The following GNL3L variants were observed in gnomAD, a reference collection of about 807,000 sequenced individuals.
The protein encoded by GNL3L is G protein nucleolar 3 like.
Under a neutral mutation model 42.9 loss-of-function variants are expected in GNL3L, and 4 were observed. The ratio of observed to expected loss-of-function variants is 0.09; its 90% CI spans 0.05 to 0.21. GNL3L has a LOEUF of 0.21. GNL3L is among the 10% of genes least tolerant of loss of function. The pLI is 1.00. For missense variants in GNL3L, 412 were observed against 481.7 expected, an observed-to-expected ratio of 0.86 and a Z score of 1.36; for synonymous variants, 159 against 176.3, an observed-to-expected ratio of 0.90 and a Z score of 0.78.
intron 16 of GNL3L, among the ~76,000 whole-genome samples, chrX:54,601,822 G>A (rs1180869333): frequency 9.0e-6 from 1 of 111,585 alleles, no homozygotes; most frequent in Non-Finnish European, 1.9e-5. Flanking sequence ...TATATAAATG[G>A]AATTATAAAA....
At position 54,607,072 on chromosome X, in the gene GNL3L, CTCTTTCTTTCTTCTT is replaced by C. The variant is rs1926094639; in HGVS notation, c.*46-13760_*46-13746del. On this transcript the variant is annotated intron_variant, in intron 16 of 16. Transcript: ENST00000674498. ...TCTTTCTTTCTTTCTTTCTTTCTTT[CTCTTTCTTTCTTCTT>C]TCTTTCTTTCTTTCTTTCTTTCTTT... Among the ~76,000 whole-genome samples the C allele has an allele frequency of 7.5e-3, 171 of 22,819 alleles. 7 individuals are homozygous for C. Among genetic ancestry groups the C allele is most frequent in the African/African-American group, 0.023 (150 of 6,390 alleles). 19.8% of individuals were successfully genotyped at this position (22,819 alleles called of 115,157 possible).
At chrX:54,536,726 A>C (rs1924436364) in intron 2 of GNL3L, among the ~76,000 whole-genome samples, 1 of 95,990 alleles carries the variant, frequency 1.0e-5, no homozygotes, top group African/African-American at 3.9e-5. Flanking sequence ...TGGAGGTTGT[A>C]GTGAGCTCAG....
At position 54,543,302 on chromosome X, in the gene GNL3L, A is replaced by C. The variant is rs745411174; in HGVS notation, c.486A>C (p.Ala162=). The change falls in exon 7 of 16, where the codon GCA becomes GCC. Residue 162 remains alanine, a synonymous_variant. Transcript: ENST00000360845. ...CFQMEEAVLR[A]QGNKKLVLVL... is the part of the protein sequence containing the mutation. Reference sequence around the variant, plus strand: ...AAATGGAGGAGGCTGTCCTGCGAGCACAAGGCAACAAGAAGCTGGTCCTGG... The same window carrying C: ...AAATGGAGGAGGCTGTCCTGCGAGCCCAAGGCAACAAGAAGCTGGTCCTGG... 3 of 1,208,895 alleles carry C rather than the reference A, an allele frequency of 2.5e-6. No individual in the cohort carries two copies. In the Admixed American group the frequency reaches 6.6e-5, roughly 27 times the overall value.
At chrX:54,623,086 C>G (rs760814148), downstream of GNL3L, among the ~76,000 whole-genome samples, 15 of 111,552 alleles carry the variant, frequency 1.3e-4, no homozygotes, top group East Asian at 3.9e-3. Flanking sequence ...ATATGTCTAT[C>G]TTTATACTAG....
In GNL3L at chrX:54,552,628, G is replaced by A. The variant is rs1205507735; in HGVS notation, c.1318+200G>A. On this transcript the variant is annotated intron_variant, in intron 13 of 15. Coordinates refer to ENST00000360845, the MANE Select transcript of GNL3L (RefSeq NM_001184819.2). ...GCCCTGGCAGGGCGGGTTGGGGGAG[G>A]GTGGTTGTGAGCTTTTGGTAAATAA... Among the ~76,000 whole-genome samples the A allele has an allele frequency of 4.2e-4, 47 of 111,743 alleles. No homozygotes were observed. The Admixed American group carries it at 4.5e-3, about 11-fold the overall frequency.
At chrX:54,617,706 T>A (rs1391359975) in intron 16 of GNL3L, among the ~76,000 whole-genome samples, 2 of 111,763 alleles carry the variant, frequency 1.8e-5, no homozygotes, top group African/African-American at 3.3e-5. Context: ...AGTACCTTTA[T>A]GAAAGAGGCC....
In GNL3L at chrX:54,579,466, A is replaced by G. The variant is rs1013003743; in HGVS notation, c.*45+18819A>G. ...GCCCAGGCTGGAGTACAGTGGCACA[A>G]TTGGCCTCCAGGGCTCAAGCCATCC... On this transcript the variant is annotated intron_variant, in intron 16 of 16. Coordinates refer to the GNL3L transcript ENST00000674498. Among the ~76,000 whole-genome samples, 5 of 112,191 alleles carry G rather than the reference A, an allele frequency of 4.5e-5. No homozygotes were observed. In the East Asian group the frequency reaches 8.3e-4, roughly 19 times the overall value.
rs567172499 is a variant in GNL3L at position 54,564,402 on chromosome X, CTTT to C, written c.*3818_*3820del. Among the ~76,000 whole-genome samples the C allele has an allele frequency of 1.2e-5, 1 of 80,808 alleles. No individual in the cohort carries two copies. The allele number at this position is 80,808 out of a possible 115,157, so 70.2% of individuals were successfully genotyped here. On this transcript the variant is annotated 3_prime_UTR_variant, in exon 16 of 16. Coordinates refer to ENST00000360845, the MANE Select transcript of GNL3L (RefSeq NM_001184819.2). ...AGTCACTGGTTTTTTTCTTCGTTCT[CTTT>C]TTTTTTTTTTTTTTTTTGAGACAGA...
rs777523121 is a variant in GNL3L, at chrX:54,562,447, A to G, written c.*1845A>G. Among the ~76,000 whole-genome samples, 2 of 111,360 alleles carry G rather than the reference A, an allele frequency of 1.8e-5. No individual in the cohort carries two copies. Among genetic ancestry groups the G allele is most frequent in the African/African-American group, 6.5e-5 (2 of 30,698 alleles). ...ACCATGTGACAAGGACTGGAGTGCCATTGGCTGTGGACTGTTCAGGCAGGG... is the reference window on the plus strand; with the variant it reads ...ACCATGTGACAAGGACTGGAGTGCCGTTGGCTGTGGACTGTTCAGGCAGGG... On this transcript the variant is annotated 3_prime_UTR_variant, in exon 16 of 16. Coordinates refer to ENST00000360845, the MANE Select transcript of GNL3L (RefSeq NM_001184819.2).
the GNL3L span, among the ~76,000 whole-genome samples, chrX:54,631,787 G>T: frequency 9.0e-6 from 1 of 111,479 alleles, no homozygotes; most frequent in Non-Finnish European, 1.9e-5. Context: ...TGAGATGTGA[G>T]GTACTATTCT....
At chrX:54,609,430 A>G (rs1221174394) in intron 16 of GNL3L, among the ~76,000 whole-genome samples, 1 of 112,511 alleles carries the variant, frequency 8.9e-6, no homozygotes, top group African/African-American at 3.2e-5. Context: ...GCCTAAGCCA[A>G]TGTCTAGAAG....
chrX:54,573,478 G>GAGAC (rs1319657477), intron 16 of GNL3L, among the ~76,000 whole-genome samples: 2 of 109,386 alleles, frequency 1.8e-5, no homozygotes, highest in African/African-American at 7.0e-5. Context: ...CTTCGGCTGG[G>GAGAC]CATGAGAGGG....
intron 16 of GNL3L, among the ~76,000 whole-genome samples, chrX:54,616,991 C>T (rs1926228471): frequency 9.0e-6 from 1 of 111,661 alleles, no homozygotes; most frequent in Non-Finnish European, 1.9e-5. Context: ...TAGTGGGAAG[C>T]AACTGGCTAA....
intron 2 of GNL3L, among the ~76,000 whole-genome samples, chrX:54,533,353 G>A (rs1387806278): frequency 9.7e-6 from 1 of 103,229 alleles, no homozygotes; most frequent in Non-Finnish European, 2.0e-5. Context: ...GGGCGACAGA[G>A]TGAGACGCTG....
downstream of GNL3L, among the ~76,000 whole-genome samples, chrX:54,571,355 G>A (rs778026872): frequency 4.6e-5 from 5 of 108,833 alleles, no homozygotes; most frequent in East Asian, 8.7e-4. Context: ...CACCACGCCC[G>A]ACTAATGTTT....
intron 2 of GNL3L, among the ~76,000 whole-genome samples, chrX:54,536,784 C>CAA (rs767387515): frequency 0.017 from 614 of 37,020 alleles, 11 homozygotes; most frequent in Middle Eastern, 0.075. Context: ...GACTTTGTCT[C>CAA]AAAAAAAAAA....
chrX:54,606,995 CCTTTCTTTCTTT>C (rs56807107), intron 16 of GNL3L, among the ~76,000 whole-genome samples: 616 of 27,873 alleles, frequency 0.022, 28 homozygotes, highest in African/African-American at 0.023. Flanking sequence ...CCTTTCCTTT[CCTTTCTTTCTTT>C]CTTTCTTTCT....
chrX:54,604,800 C>T (rs1368212022), intron 16 of GNL3L, among the ~76,000 whole-genome samples: 4 of 112,370 alleles, frequency 3.6e-5, no homozygotes, highest in Non-Finnish European at 7.5e-5. Context: ...CTTAATCTTT[C>T]TGTGCCTCAG....
In GNL3L at chrX:54,565,498, T is replaced by C. The variant is rs1350550073; in HGVS notation, c.*4896T>C. 1.8e-5 allele frequency among the ~76,000 whole-genome samples: 2 copies of C among 111,411 alleles called. No individual in the cohort carries two copies. The highest frequency in any genetic ancestry group is 3.8e-5 in the Non-Finnish European group (2 of 53,143). On this transcript the variant is annotated 3_prime_UTR_variant, in exon 16 of 16. Coordinates refer to ENST00000360845, the MANE Select transcript of GNL3L (RefSeq NM_001184819.2). ...GTTTTTTAATTTTTAAATTTTTTAA[T>C]TTTTTTAATACATTTAAATAGAGAT...
Sources: gnomAD v4.1 joint callset for allele counts (sites outside exome capture counted in the v4.1 genomes callset) on GRCh38, gnomAD v4.1.1 for gene constraint, MANE v1.5 for transcripts, NCBI Gene and HGNC (gene_info 2026-07-23, HGNC 2026-07-21) for gene names.